VTI1A: variants seen among roughly 807,000 people sequenced by gnomAD.
VTI1A encodes the protein vesicle transport through interaction with t-SNAREs homolog 1A.
A neutral mutation model predicts 34.9 loss-of-function variants in VTI1A; 22 were observed. That is an observed-to-expected ratio of 0.63 (90% CI 0.45 to 0.90). The LOEUF is 0.90. Among genes scored for constraint, VTI1A ranks in the 40% least tolerant of loss-of-function variants. VTI1A has a pLI of 0.00. For missense variants in VTI1A, 268 were observed against 275.6 expected, an observed-to-expected ratio of 0.97 and a Z score of 0.20; for synonymous variants, 87 against 97.3, an observed-to-expected ratio of 0.89 and a Z score of 0.62.
chr10:112,697,995 G>A (rs981092653), intron 7 of VTI1A, among the ~76,000 whole-genome samples: 3 of 151,890 alleles, frequency 2.0e-5, no homozygotes, highest in African/African-American at 7.3e-5. Flanking sequence ...ATCCAGGGTT[G>A]TGTATTTATA....
At chr10:112,757,492 C>G (rs1851329841) in intron 7 of VTI1A, among the ~76,000 whole-genome samples, 1 of 149,510 alleles carries the variant, frequency 6.7e-6, no homozygotes, top group Non-Finnish European at 1.5e-5. Flanking sequence ...TCAAGTGATT[C>G]TCCCGCCTCA....
At chr10:112,575,930 T>C (rs549324239) in intron 5 of VTI1A, among the ~76,000 whole-genome samples, 13 of 152,232 alleles carry the variant, frequency 8.5e-5, no homozygotes, top group African/African-American at 3.1e-4. Flanking sequence ...TGTAGAAAAG[T>C]TTAAACCTCT....
intron 5 of VTI1A, among the ~76,000 whole-genome samples, chr10:112,565,125 T>G (rs1477317044): frequency 1.3e-5 from 2 of 152,122 alleles, no homozygotes; most frequent in African/African-American, 4.8e-5. Context: ...CAGAACAGGC[T>G]TTATTTAGCC....
chr10:112,591,389 A>T (rs1048307935), intron 5 of VTI1A, among the ~76,000 whole-genome samples: 1 of 152,122 alleles, frequency 6.6e-6, no homozygotes. Context: ...GTGTGGTGGC[A>T]GGTGCCTGTA....
the VTI1A span, among the ~76,000 whole-genome samples, chr10:112,850,002 G>A: frequency 6.6e-6 from 1 of 152,196 alleles, no homozygotes; most frequent in Admixed American, 6.5e-5. Flanking sequence ...AAACAAAAGA[G>A]GAAGGTGGTG....
intron 1 of VTI1A, among the ~76,000 whole-genome samples, chr10:112,452,396 C>T (rs1340824385): frequency 3.3e-5 from 5 of 151,988 alleles, no homozygotes; most frequent in Non-Finnish European, 7.4e-5. Context: ...GGAGAAACCC[C>T]GTCTCTACTA....
intron 3 of VTI1A, among the ~76,000 whole-genome samples, chr10:112,513,731 G>GT (rs34082432): frequency 6.6e-6 from 1 of 151,968 alleles, no homozygotes; most frequent in African/African-American, 2.4e-5. Flanking sequence ...ATCTGTTGAG[G>GT]TTTTTTTATT....
At chr10:112,609,488 A>G (rs1442267829) in intron 5 of VTI1A, among the ~76,000 whole-genome samples, 1 of 152,222 alleles carries the variant, frequency 6.6e-6, no homozygotes. Flanking sequence ...TTAATTTTCA[A>G]AGTCCTCTTC....
chr10:112,802,725 GT>G (rs1035763039), intron 7 of VTI1A, among the ~76,000 whole-genome samples: 2 of 151,882 alleles, frequency 1.3e-5, no homozygotes, highest in African/African-American at 4.8e-5. Flanking sequence ...GGACCTTTTT[GT>G]TTTTTTTAAG....
At chr10:112,714,090 C>G (rs1156797935) in intron 7 of VTI1A, among the ~76,000 whole-genome samples, 1 of 152,130 alleles carries the variant, frequency 6.6e-6, no homozygotes, top group Non-Finnish European at 1.5e-5. Flanking sequence ...AATGCATTCC[C>G]TATTGAAAAC....
intron 3 of VTI1A, among the ~76,000 whole-genome samples, chr10:112,505,101 T>G (rs1849381768): frequency 6.6e-6 from 1 of 152,194 alleles, no homozygotes; most frequent in African/African-American, 2.4e-5. Context: ...ATTTATCCTA[T>G]GTTTGTTCTA....
intron 7 of VTI1A, among the ~76,000 whole-genome samples, chr10:112,783,396 C>T (rs1412442311): frequency 2.1e-5 from 2 of 95,866 alleles, no homozygotes; most frequent in Non-Finnish European, 4.2e-5. Context: ...TGCCCGCGTG[C>T]ACGTGCACAC....
At chr10:112,543,869 A>C (rs1294550001) in intron 5 of VTI1A, among the ~76,000 whole-genome samples, 2 of 152,226 alleles carry the variant, frequency 1.3e-5, no homozygotes, top group African/African-American at 4.8e-5. Context: ...GGTGTAAGGA[A>C]GGGATCCAGT....
rs1009339907 is a variant in VTI1A, at chr10:112,818,657, C to A, written c.*3274C>A. The A allele has an allele frequency of 4.6e-6, 1 of 216,184 alleles. No homozygotes were observed. The highest frequency in any genetic ancestry group is 9.3e-6 in the Non-Finnish European group (1 of 106,998). 13.4% of individuals were successfully genotyped at this position (216,184 alleles called of 1,614,324 possible). On this transcript the variant is annotated 3_prime_UTR_variant, in exon 8 of 8. Transcript: ENST00000393077. ...ATTGCGCATTGCCAGCAACTTGGCG[C>A]CTGTTTAGACGTTTTTATTTTCTTT...
At chr10:112,785,902 T>C (rs1852273474) in intron 7 of VTI1A, among the ~76,000 whole-genome samples, 1 of 152,228 alleles carries the variant, frequency 6.6e-6, no homozygotes, top group Non-Finnish European at 1.5e-5. Flanking sequence ...GTGGTATAAG[T>C]CTTCCAACTT....
intron 7 of VTI1A, among the ~76,000 whole-genome samples, chr10:112,710,332 C>G (rs1299717981): frequency 6.6e-6 from 1 of 151,856 alleles, no homozygotes; most frequent in Non-Finnish European, 1.5e-5. Context: ...CTCGGCCTCC[C>G]AAGTAGCTGG....
chr10:112,778,299 T>C (rs1852012094), intron 7 of VTI1A, among the ~76,000 whole-genome samples: 1 of 152,140 alleles, frequency 6.6e-6, no homozygotes, highest in Admixed American at 6.6e-5. Flanking sequence ...TTAGAATGGC[T>C]TCAGGAAAGG....
At chr10:112,661,126 A>G (rs1234751595) in intron 5 of VTI1A, among the ~76,000 whole-genome samples, 1 of 152,170 alleles carries the variant, frequency 6.6e-6, no homozygotes, top group African/African-American at 2.4e-5. Flanking sequence ...GACTACAGGC[A>G]TGTGCCACCA....
At chr10:112,797,265 G>A (rs1375537633) in intron 7 of VTI1A, among the ~76,000 whole-genome samples, 2 of 152,104 alleles carry the variant, frequency 1.3e-5, no homozygotes, top group Non-Finnish European at 2.9e-5. Context: ...AGGCTTTAAA[G>A]CATCTAAAAA....
Sources: allele counts gnomAD v4.1 joint callset (sites outside exome capture counted in the v4.1 genomes callset), GRCh38; gene constraint gnomAD v4.1.1; transcripts MANE v1.5; gene names NCBI Gene and HGNC (gene_info 2026-07-23, HGNC 2026-07-21).